The following RBFOX1 variants were observed in gnomAD, a reference collection of about 807,000 sequenced individuals.
The protein encoded by RBFOX1 is RNA binding fox-1 homolog 1.
Under a neutral mutation model 57.7 loss-of-function variants are expected in RBFOX1, and 8 were observed. That is an observed-to-expected ratio of 0.14 (90% CI 0.08 to 0.25). RBFOX1 has a LOEUF of 0.25. RBFOX1 is among the 10% of genes least tolerant of loss of function. RBFOX1 has a pLI of 1.00. For synonymous variants in RBFOX1, 326 were observed against 222.4 expected (o/e 1.47, Z -4.15); for missense variants, 611 against 548.5 (o/e 1.11, Z -1.14).
chr16:5,969,352 C>T (rs1397216349), intron 4 of RBFOX1, among the ~76,000 whole-genome samples: 3 of 145,174 alleles, frequency 2.1e-5, no homozygotes, highest in Admixed American at 1.4e-4. Flanking sequence ...CTCACTGTCA[C>T]CCGGGCTGGA....
intron 2 of RBFOX1, among the ~76,000 whole-genome samples, chr16:6,346,516 C>A (rs533380883): frequency 2.0e-5 from 3 of 152,268 alleles, no homozygotes; most frequent in South Asian, 2.1e-4. Flanking sequence ...TGATCTGTAA[C>A]TAATCAAGGT....
At chr16:7,487,622 C>T (rs111372771) in intron 4 of RBFOX1, among the ~76,000 whole-genome samples, 2 of 152,200 alleles carry the variant, frequency 1.3e-5, no homozygotes, top group Non-Finnish European at 2.9e-5. Context: ...TCCACTCCTG[C>T]ACCTGTTCAT....
At chr16:7,179,019 G>C (rs959103325) in intron 4 of RBFOX1, among the ~76,000 whole-genome samples, 4 of 152,168 alleles carry the variant, frequency 2.6e-5, no homozygotes, top group Non-Finnish European at 5.9e-5. Flanking sequence ...TAAAGCTGCA[G>C]TAGGAAGAAT....
chr16:6,173,228 G>A (rs13329710), intron 1 of RBFOX1, among the ~76,000 whole-genome samples: 6,525 of 152,222 alleles, frequency 0.043, 168 homozygotes, highest in Admixed American at 0.078. Flanking sequence ...GAGGGGTGGG[G>A]TAGGCATTGT....
At chr16:5,538,136 G>A (rs1233170182) in intron 2 of RBFOX1, among the ~76,000 whole-genome samples, 2 of 152,192 alleles carry the variant, frequency 1.3e-5, no homozygotes, top group Admixed American at 6.5e-5. Flanking sequence ...AGGAGACATC[G>A]GTAACTAGAA....
chr16:6,813,622 C>T (rs548800272), intron 3 of RBFOX1, among the ~76,000 whole-genome samples: 4 of 152,190 alleles, frequency 2.6e-5, no homozygotes, highest in African/African-American at 9.6e-5. Context: ...CAAAATCAAT[C>T]TGAAGAACTG....
At chr16:6,936,681 C>T (rs540233802) in intron 3 of RBFOX1, among the ~76,000 whole-genome samples, 1 of 151,988 alleles carries the variant, frequency 6.6e-6, no homozygotes, top group Non-Finnish European at 1.5e-5. Flanking sequence ...AAAACTAAGG[C>T]TGAGAGAGGA....
chr16:6,015,726 A>C (rs970271925), upstream of RBFOX1, among the ~76,000 whole-genome samples: 1 of 152,108 alleles, frequency 6.6e-6, no homozygotes, highest in Non-Finnish European at 1.5e-5. Flanking sequence ...ATTCCTATTT[A>C]TCTTCTCTAT....
chr16:6,047,762 G>C (rs376327550), intron 1 of RBFOX1, among the ~76,000 whole-genome samples: 321 of 152,290 alleles, frequency 2.1e-3, no homozygotes, highest in African/African-American at 7.3e-3. Context: ...GTTCAGACTT[G>C]TTTTAAAGGT....
At chr16:5,940,551 C>A (rs2059258679) in intron 4 of RBFOX1, among the ~76,000 whole-genome samples, 1 of 152,172 alleles carries the variant, frequency 6.6e-6, no homozygotes, top group Admixed American at 6.5e-5. Context: ...ATTTTAATGA[C>A]AGCTTGCTTT....
At chr16:7,205,699 A>G (rs8057637) in intron 4 of RBFOX1, among the ~76,000 whole-genome samples, 1 of 152,152 alleles carries the variant, frequency 6.6e-6, no homozygotes, top group South Asian at 2.1e-4. Context: ...AACTTGGTCC[A>G]CCATCTGCAG....
intron 3 of RBFOX1, among the ~76,000 whole-genome samples, chr16:6,674,562 T>G (rs2098788869): frequency 6.6e-6 from 1 of 152,132 alleles, no homozygotes; most frequent in African/African-American, 2.4e-5. Context: ...CCTCAAGTGA[T>G]CCACCCACCT....
intron 1 of RBFOX1, among the ~76,000 whole-genome samples, chr16:5,277,334 A>C (rs1184483465): frequency 6.6e-6 from 1 of 152,110 alleles, no homozygotes; most frequent in African/African-American, 2.4e-5. Context: ...GAGATAAAAG[A>C]CTATATACAT....
chr16:6,854,643 G>A (rs954645331), intron 3 of RBFOX1, among the ~76,000 whole-genome samples: 4 of 129,114 alleles, frequency 3.1e-5, no homozygotes, highest in Admixed American at 9.7e-5. Context: ...TGCCCAGGCT[G>A]GAGTGCAGTG....
chr16:5,793,577 C>A (rs766322725), intron 3 of RBFOX1, among the ~76,000 whole-genome samples: 3 of 152,178 alleles, frequency 2.0e-5, no homozygotes, highest in Non-Finnish European at 4.4e-5. Flanking sequence ...TCTTCAGCCC[C>A]CAGGCCCCTC....
intron 2 of RBFOX1, among the ~76,000 whole-genome samples, chr16:6,421,168 A>T (rs985925999): frequency 6.6e-6 from 1 of 152,128 alleles, no homozygotes; most frequent in South Asian, 2.1e-4. Context: ...TCTTGATCCA[A>T]TTTCAGGAAT....
At chr16:7,384,347 G>A (rs1295143337) in intron 4 of RBFOX1, among the ~76,000 whole-genome samples, 1 of 152,086 alleles carries the variant, frequency 6.6e-6, no homozygotes, top group Non-Finnish European at 1.5e-5. Context: ...TATGAAAAAC[G>A]AGGAATATAT....
chr16:7,368,503 G>C (rs1175768824), intron 4 of RBFOX1, among the ~76,000 whole-genome samples: 3 of 151,976 alleles, frequency 2.0e-5, no homozygotes, highest in South Asian at 2.1e-4. Context: ...TTGGAGCCGG[G>C]AACAGTGGCT....
intron 4 of RBFOX1, among the ~76,000 whole-genome samples, chr16:7,230,347 A>T (rs948746063): frequency 2.6e-5 from 4 of 152,150 alleles, no homozygotes; most frequent in African/African-American, 4.8e-5. Flanking sequence ...GTGTTGGGGC[A>T]GGGTCTGTTT....
Sources: gnomAD v4.1 joint callset for allele counts (sites outside exome capture counted in the v4.1 genomes callset) on GRCh38, gnomAD v4.1.1 for gene constraint, MANE v1.5 for transcripts, NCBI Gene and HGNC (gene_info 2026-07-23, HGNC 2026-07-21) for gene names.